Variants in PPP3CA observed in about 807,000 individuals in gnomAD.
PPP3CA encodes CAM-PRP catalytic subunit.
In PPP3CA, 14 loss-of-function variants were observed where a neutral mutation model predicts 66.5. The observed-to-expected ratio is 0.21, with a 90% CI of 0.14 to 0.33. The LOEUF (loss-of-function observed/expected upper bound fraction) is 0.33, where lower values mean the gene tolerates loss of function less well. Among genes scored for constraint, PPP3CA ranks in the 10% least tolerant of loss-of-function variants. The pLI is 1.00. For synonymous variants in PPP3CA, 232 were observed against 226.2 expected, an observed-to-expected ratio of 1.03 and a Z score of -0.23; for missense variants, 317 against 639.5, an observed-to-expected ratio of 0.50 and a Z score of 5.44.
intron 1 of PPP3CA, among the ~76,000 whole-genome samples, chr4:101,327,528 T>C (rs917419075): frequency 5.3e-5 from 8 of 151,994 alleles, no homozygotes; most frequent in African/African-American, 1.9e-4. Context: ...AATCCAAGCA[T>C]GTTTCTTACA....
chr4:101,156,500 G>A (rs1448975453), intron 2 of PPP3CA, among the ~76,000 whole-genome samples: 1 of 152,134 alleles, frequency 6.6e-6, no homozygotes, highest in Admixed American at 6.5e-5. Context: ...GACCAACATG[G>A]AGAAACCCCG....
At chr4:101,237,221 AT>A (rs1286466467) in intron 1 of PPP3CA, among the ~76,000 whole-genome samples, 2 of 18,206 alleles carry the variant, frequency 1.1e-4, no homozygotes, top group African/African-American at 3.4e-4. Context: ...AGCAGAAAAT[AT>A]CATAGCTGCA....
intron 1 of PPP3CA, among the ~76,000 whole-genome samples, chr4:101,209,458 A>G (rs3827770): frequency 0.45 from 68,472 of 151,988 alleles, 18,368 homozygotes; most frequent in Middle Eastern, 0.64. Context: ...CTCCCTTACC[A>G]CTAGACTGTA....
chr4:101,288,821 G>A (rs534208453), intron 1 of PPP3CA, among the ~76,000 whole-genome samples: 64 of 152,098 alleles, frequency 4.2e-4, no homozygotes, highest in African/African-American at 1.5e-3. Context: ...AATAATCCAA[G>A]CTGGGGCAAT....
At chr4:101,196,138 T>A (rs1724783520) in intron 1 of PPP3CA, 22 bp from the exon 2 acceptor site, 4 of 1,608,016 alleles carry the variant, frequency 2.5e-6, no homozygotes, top group Non-Finnish European at 3.4e-6. Flanking sequence ...AAGGTCTAAT[T>A]ATTACATTAG....
chr4:101,312,552 C>G (rs966713768), intron 1 of PPP3CA, among the ~76,000 whole-genome samples: 1 of 151,958 alleles, frequency 6.6e-6, no homozygotes, highest in Non-Finnish European at 1.5e-5. Context: ...CACAAATTAT[C>G]TTTATTGTCA....
At chr4:101,164,930 T>C (rs1723643349) in intron 2 of PPP3CA, among the ~76,000 whole-genome samples, 1 of 152,164 alleles carries the variant, frequency 6.6e-6, no homozygotes, top group Non-Finnish European at 1.5e-5. Context: ...TATAGGCATA[T>C]ATACATATAT....
intron 2 of PPP3CA, among the ~76,000 whole-genome samples, chr4:101,178,664 AAAGG>A (rs1724140216): frequency 1.3e-5 from 2 of 152,082 alleles, no homozygotes; most frequent in Admixed American, 1.3e-4. Flanking sequence ...CGAAACCTCT[AAAGG>A]TCTATCCTCA....
At chr4:101,299,390 GT>G (rs201679318) in intron 1 of PPP3CA, among the ~76,000 whole-genome samples, 12 of 139,906 alleles carry the variant, frequency 8.6e-5, no homozygotes, top group African/African-American at 1.3e-4. Context: ...TGTTTTTTGG[GT>G]TTTTTTTTTG....
chr4:101,139,638 A>C (rs1434630593), intron 2 of PPP3CA, among the ~76,000 whole-genome samples: 1 of 151,572 alleles, frequency 6.6e-6, no homozygotes, highest in African/African-American at 2.4e-5. Flanking sequence ...GAGTCCTGAT[A>C]AATTTACAAA....
At chr4:101,098,871 T>C (rs1055488624) in intron 4 of PPP3CA, among the ~76,000 whole-genome samples, 1 of 152,172 alleles carries the variant, frequency 6.6e-6, no homozygotes, top group Admixed American at 6.5e-5. Context: ...TTGATATTCC[T>C]TAACGATTTT....
intron 7 of PPP3CA, among the ~76,000 whole-genome samples, chr4:101,082,177 G>C (rs945862431): frequency 6.6e-6 from 1 of 152,152 alleles, no homozygotes; most frequent in Non-Finnish European, 1.5e-5. Context: ...ATTATTTGAA[G>C]ACCTGACTGG....
chr4:101,072,641 T>C (rs1037534567), intron 8 of PPP3CA, among the ~76,000 whole-genome samples: 72 of 152,344 alleles, frequency 4.7e-4, no homozygotes, highest in African/African-American at 1.6e-3. Context: ...ATATGCTATT[T>C]ATAGGAACAA....
chr4:101,057,622 A>G (rs751065755), intron 10 of PPP3CA, among the ~76,000 whole-genome samples: 13 of 152,254 alleles, frequency 8.5e-5, no homozygotes, highest in Non-Finnish European at 1.8e-4. Context: ...TCCAAATTCA[A>G]TGGAGAGGCA....
chr4:101,099,509 T>C, intron 4 of PPP3CA, 102 bp downstream of exon 4: 1 of 569,340 alleles, frequency 1.8e-6, no homozygotes, highest in Non-Finnish European at 2.9e-6. Flanking sequence ...ACTTTAAGTC[T>C]TTGACTTTAG....
At chr4:101,112,919 A>C (rs1721720313) in intron 2 of PPP3CA, among the ~76,000 whole-genome samples, 1 of 152,124 alleles carries the variant, frequency 6.6e-6, no homozygotes, top group East Asian at 1.9e-4. Flanking sequence ...CCCAGGAGGC[A>C]CACAAGAAAC....
chr4:101,033,332 GGA>G (rs1727096793), intron 11 of PPP3CA, among the ~76,000 whole-genome samples: 3 of 137,738 alleles, frequency 2.2e-5, no homozygotes, highest in Non-Finnish European at 4.7e-5. Flanking sequence ...ACACACACAG[GGA>G]GAGAGTTTAG....
intron 2 of PPP3CA, among the ~76,000 whole-genome samples, chr4:101,124,761 A>AAG (rs1560614640): frequency 1.6e-5 from 2 of 128,244 alleles, no homozygotes; most frequent in Admixed American, 7.4e-5. Context: ...GAAAGAAAGA[A>AAG]AGAAAGAAAG....
intron 8 of PPP3CA, among the ~76,000 whole-genome samples, chr4:101,065,612 G>T (rs1268316812): frequency 6.6e-6 from 1 of 152,066 alleles, no homozygotes; most frequent in East Asian, 1.9e-4. Flanking sequence ...GTAACTGACA[G>T]ATCTCACTCA....
Sources: gnomAD v4.1 joint callset for allele counts (sites outside exome capture counted in the v4.1 genomes callset) on GRCh38, gnomAD v4.1.1 for gene constraint, MANE v1.5 for transcripts, NCBI Gene and HGNC (gene_info 2026-07-23, HGNC 2026-07-21) for gene names.